The following HIPK3 variants were observed in gnomAD, a reference collection of about 807,000 sequenced individuals.
HIPK3 encodes the protein homeodomain-interacting protein kinase 3.
HIPK3 carries 47 observed loss-of-function variants against 124.2 expected under a neutral mutation model. The observed-to-expected ratio is 0.38, with a 90% CI of 0.30 to 0.48. HIPK3 has a LOEUF of 0.48. HIPK3 is among the 20% of genes least tolerant of loss of function. The probability of loss-of-function intolerance (pLI) is 0.98; values close to 1 mark genes in which losing one functional copy is unlikely to be tolerated. For missense variants in HIPK3, 1,286 were observed against 1,454.3 expected, an observed-to-expected ratio of 0.88 and a Z score of 1.88; for synonymous variants, 482 against 515.2, an observed-to-expected ratio of 0.94 and a Z score of 0.87.
At chr11:33,352,380 T>G in intron 16 of HIPK3, 115 bp downstream of exon 16, 1 of 1,114,436 alleles carries the variant, frequency 9.0e-7, no homozygotes, top group Non-Finnish European at 1.3e-6. Context: ...TTTTCCCTTC[T>G]CATTATCCCA....
rs776281439 is a variant in HIPK3, at chr11:33,328,542, G to C, written c.1130G>C (p.Cys377Ser). 4 of 1,613,244 alleles carry C rather than the reference G, an allele frequency of 2.5e-6. No individual in the cohort carries two copies. The highest frequency in any genetic ancestry group is 3.4e-6 in the Non-Finnish European group (4 of 1,179,486). ...APEIILGLPF[C>S]EAIDMWSLGC... Reference sequence around the variant, plus strand: ...GAGATTATATTGGGGTTGCCATTTTGTGAAGCCATAGACATGTGGTCATTG... The same window carrying C: ...GAGATTATATTGGGGTTGCCATTTTCTGAAGCCATAGACATGTGGTCATTG... The change falls in exon 3 of 17, where the codon TGT becomes TCT. Residue 377 changes from cysteine (C) to serine (S), a missense_variant. This residue lies in a region of HIPK3 where 251 missense variants were observed against 349.1 expected (regional missense o/e 0.72). Coordinates refer to ENST00000303296, the MANE Select transcript of HIPK3 (RefSeq NM_005734.5).
chr11:33,325,337 A>C (rs1391110959), intron 2 of HIPK3, among the ~76,000 whole-genome samples: 2 of 152,196 alleles, frequency 1.3e-5, no homozygotes, highest in East Asian at 1.9e-4. Flanking sequence ...TACACCGAAA[A>C]ATTTCAAATC....
chr11:33,294,731 G>T (rs974020806), intron 2 of HIPK3, among the ~76,000 whole-genome samples: 2 of 152,092 alleles, frequency 1.3e-5, no homozygotes, highest in African/African-American at 4.8e-5. Flanking sequence ...CACACCTCCT[G>T]AGTAGCTGGG....
At chr11:33,321,077 A>G (rs1457978558) in intron 2 of HIPK3, among the ~76,000 whole-genome samples, 2 of 152,206 alleles carry the variant, frequency 1.3e-5, no homozygotes, top group African/African-American at 2.4e-5. Context: ...ATGAAACGGA[A>G]CTAGTGAAGC....
intron 8 of HIPK3, among the ~76,000 whole-genome samples, chr11:33,343,287 G>GTC (rs1554968560): frequency 0.017 from 2,464 of 142,470 alleles, 91 homozygotes; most frequent in African/African-American, 0.057. Context: ...GTGTGTGTGT[G>GTC]TGTCTTTTTT....
In HIPK3 at chr11:33,312,565, A is replaced by G. The variant is rs547871878; in HGVS notation, c.1098-15945A>G. Among the ~76,000 whole-genome samples, 135 of 152,308 alleles carry G rather than the reference A, an allele frequency of 8.9e-4. 2 individuals carry two copies. Among genetic ancestry groups the G allele is most frequent in the Admixed American group, 8.7e-3 (133 of 15,294 alleles). On this transcript the variant is annotated intron_variant, in intron 2 of 16. Coordinates refer to ENST00000303296, the MANE Select transcript of HIPK3 (RefSeq NM_005734.5). ...AAGTTTGTAAAAGACTCTGCCAGGGATTGTATGAAATATACAAATGAGAGA... is the reference window on the plus strand; with the variant it reads ...AAGTTTGTAAAAGACTCTGCCAGGGGTTGTATGAAATATACAAATGAGAGA...
In HIPK3 at chr11:33,351,786, G is replaced by A; in HGVS notation, c.2986G>A (p.Val996Met). Reference sequence around the variant, plus strand: ...CAAGCCAGCTGTCTGTTCTGTTGTGGTGCCACCAGTGGAACTAGAAAATGG... The same window carrying A: ...CAAGCCAGCTGTCTGTTCTGTTGTGATGCCACCAGTGGAACTAGAAAATGG... ...ETKPAVCSVV[V>M]PPVELENGLN... The change falls in exon 15 of 17, where the codon GTG becomes ATG. Residue 996 changes from valine to methionine, a missense_variant. Physicochemically the swap from Val to Met is conservative, Grantham distance 21. Coordinates refer to ENST00000303296, the MANE Select transcript of HIPK3 (RefSeq NM_005734.5). 6.2e-7 allele frequency: 1 copy of A among 1,614,180 alleles called. No homozygotes were observed. The highest frequency in any genetic ancestry group is 8.5e-7 in the Non-Finnish European group (1 of 1,180,022).
intron 2 of HIPK3, among the ~76,000 whole-genome samples, chr11:33,303,877 A>G (rs1228980938): frequency 1.3e-5 from 2 of 152,222 alleles, no homozygotes; most frequent in Non-Finnish European, 2.9e-5. Context: ...ATTGCATTAC[A>G]AAGAATGTCG....
At chr11:33,352,798 G>T (rs1433681636) in intron 16 of HIPK3, among the ~76,000 whole-genome samples, 1 of 152,102 alleles carries the variant, frequency 6.6e-6, no homozygotes, top group Admixed American at 6.6e-5. Flanking sequence ...TATAAGAAGT[G>T]CTCCACAAAT....
Position 33,348,536 on chromosome 11 carries a change from A to C in HIPK3, c.2384A>C (p.Gln795Pro), listed in dbSNP as rs1380472000. The C allele has an allele frequency of 1.9e-6, 3 of 1,609,936 alleles. No homozygotes were observed. The highest frequency in any genetic ancestry group is 1.7e-6 in the Non-Finnish European group (2 of 1,176,518). ...TTTGGTTGCAGGAGTAATTCATTACAGAATACCAATATCCCACATTCAGCA... is the reference window on the plus strand; with the variant it reads ...TTTGGTTGCAGGAGTAATTCATTACCGAATACCAATATCCCACATTCAGCA... ...INAFSWSNSL[Q>P]NTNIPHSAFI... The change falls in exon 13 of 17, where the codon CAG becomes CCG. Residue 795 changes from glutamine (Q) to proline (P), a missense_variant. Physicochemically the swap from Gln to Pro is moderately conservative, Grantham distance 76. Around this residue, in one of 3 missense-constraint regions of HIPK3, gnomAD observed 810 missense variants for 864.9 expected, o/e 0.94. Transcript: ENST00000303296.
At chr11:33,350,417 A>G (rs1187201818) in intron 14 of HIPK3, among the ~76,000 whole-genome samples, 1 of 152,100 alleles carries the variant, frequency 6.6e-6, no homozygotes, top group East Asian at 1.9e-4. Flanking sequence ...TTGTAATCCC[A>G]GCACTTTGGG....
intron 2 of HIPK3, among the ~76,000 whole-genome samples, chr11:33,293,964 C>T (rs1382323825): frequency 6.6e-6 from 1 of 151,992 alleles, no homozygotes; most frequent in Non-Finnish European, 1.5e-5. Context: ...GTCAGGAGTT[C>T]GAGTCCAGCC....
Position 33,328,652 on chromosome 11 carries a change from C to T in HIPK3, c.1221+19C>T. On this transcript the variant is annotated intron_variant, in intron 3 of 16. Transcript: ENST00000303296. Reference sequence around the variant, plus strand: ...TGATCAGGTAACAAATAATGATAATCTAATAGAATTGGTAAAAAGTAAAGA... The same window carrying T: ...TGATCAGGTAACAAATAATGATAATTTAATAGAATTGGTAAAAAGTAAAGA... 6.2e-7 allele frequency: 1 copy of T among 1,609,492 alleles called. No homozygotes were observed. The highest frequency in any genetic ancestry group is 1.7e-4 in the Middle Eastern group (1 of 6,052).
intron 2 of HIPK3, among the ~76,000 whole-genome samples, chr11:33,315,090 A>G (rs1413668724): frequency 6.6e-6 from 1 of 152,260 alleles, no homozygotes; most frequent in Non-Finnish European, 1.5e-5. Context: ...TAACATGTAA[A>G]GAACAGATAC....
intron 2 of HIPK3, among the ~76,000 whole-genome samples, chr11:33,311,450 G>T (rs1852333332): frequency 6.6e-6 from 1 of 152,218 alleles, no homozygotes; most frequent in South Asian, 2.1e-4. Context: ...AAAGTGCCAG[G>T]ATTACAGGTT....
chr11:33,286,278 A>G, intron 1 of HIPK3, 135 bp from the exon 2 acceptor site: 1 of 774,618 alleles, frequency 1.3e-6, no homozygotes, highest in Non-Finnish European at 1.9e-6. Context: ...CATGGAAATT[A>G]ATTACTTTTT....
chr11:33,294,104 A>G (rs572935125), intron 2 of HIPK3, among the ~76,000 whole-genome samples: 10 of 152,088 alleles, frequency 6.6e-5, no homozygotes, highest in African/African-American at 2.4e-4. Context: ...CACCAAGCCA[A>G]GATCGCGCCA....
At chr11:33,319,120 G>A (rs774193365) in intron 2 of HIPK3, among the ~76,000 whole-genome samples, 4 of 152,158 alleles carry the variant, frequency 2.6e-5, no homozygotes, top group Admixed American at 6.5e-5. Flanking sequence ...ACTCAACCCA[G>A]GGGTTCTTCT....
intron 2 of HIPK3, among the ~76,000 whole-genome samples, chr11:33,288,612 G>C (rs891571335): frequency 2.0e-5 from 3 of 152,118 alleles, no homozygotes; most frequent in Non-Finnish European, 4.4e-5. Flanking sequence ...AGAAAATAAT[G>C]CCCATGTAAG....
Sources: allele counts gnomAD v4.1 joint callset (sites outside exome capture counted in the v4.1 genomes callset), GRCh38; gene constraint gnomAD v4.1.1; regional missense constraint gnomAD v4.1.1; transcripts MANE v1.5; gene names NCBI Gene and HGNC (gene_info 2026-07-23, HGNC 2026-07-21).